Variants in LRP1B observed in about 807,000 individuals in gnomAD.
The protein encoded by LRP1B is low-density lipoprotein receptor-related protein 1B.
A neutral mutation model predicts 556.6 loss-of-function variants in LRP1B; 217 were observed. The ratio of observed to expected loss-of-function variants is 0.39; its 90% CI spans 0.35 to 0.44. The LOEUF (loss-of-function observed/expected upper bound fraction) is 0.44, where lower values mean the gene tolerates loss of function less well. LRP1B is among the 20% of genes least tolerant of loss of function. LRP1B has a pLI of 1.00. For missense variants in LRP1B, 5,053 were observed against 5,620.8 expected, an observed-to-expected ratio of 0.90 and a Z score of 3.23; for synonymous variants, 2,047 against 1,865.8, an observed-to-expected ratio of 1.10 and a Z score of -2.50.
intron 7 of LRP1B, among the ~76,000 whole-genome samples, chr2:141,144,546 C>T (rs1298270117): frequency 6.6e-6 from 1 of 152,164 alleles, no homozygotes; most frequent in Non-Finnish European, 1.5e-5. Flanking sequence ...TCTCTAGTTA[C>T]AGTTAAAAAT....
intron 20 of LRP1B, among the ~76,000 whole-genome samples, chr2:140,938,172 G>A (rs1368712652): frequency 1.3e-5 from 2 of 151,522 alleles, no homozygotes; most frequent in African/African-American, 4.9e-5. Flanking sequence ...TAAAATAACT[G>A]AACTAAATGA....
intron 3 of LRP1B, among the ~76,000 whole-genome samples, chr2:141,372,198 T>A (rs1269337051): frequency 1.3e-5 from 2 of 152,172 alleles, no homozygotes; most frequent in East Asian, 3.9e-4. Context: ...TTAATTTATA[T>A]ATATTGAATC....
rs1327185759 is a variant in LRP1B, at chr2:141,464,602, A to ATTT, written c.343+15793_343+15794insAAA. On this transcript the variant is annotated intron_variant, in intron 3 of 90. Transcript: ENST00000389484. ...TAATTTTGTATATATATATATATAT[A>ATTT]TATATTTTTTTAGTAGAGATGGGGT... Among the ~76,000 whole-genome samples the ATTT allele has an allele frequency of 1.9e-4, 14 of 73,440 alleles. 1 individual carries two copies. The Middle Eastern group carries it at 0.022, about 117-fold the overall frequency. 48.2% of individuals were successfully genotyped at this position (73,440 alleles called of 152,430 possible). A position where few individuals can be genotyped will look rare whatever the true frequency, so the allele number is the denominator to read the frequency against.
intron 41 of LRP1B, among the ~76,000 whole-genome samples, chr2:140,614,955 A>G (rs977285205): frequency 2.6e-5 from 4 of 152,152 alleles, no homozygotes; most frequent in African/African-American, 9.6e-5. Context: ...AGGCCAAGCT[A>G]TCTATGGGAA....
chr2:141,412,235 C>T (rs1394963150), intron 3 of LRP1B, among the ~76,000 whole-genome samples: 2 of 152,166 alleles, frequency 1.3e-5, no homozygotes, highest in Non-Finnish European at 2.9e-5. Flanking sequence ...ACCTCTTCAT[C>T]TGAAAGAACC....
chr2:141,703,126 T>C (rs1235012912), intron 2 of LRP1B, among the ~76,000 whole-genome samples: 2 of 151,960 alleles, frequency 1.3e-5, no homozygotes, highest in Non-Finnish European at 2.9e-5. Flanking sequence ...TACAATCATA[T>C]ATGATTTTCA....
At chr2:140,373,234 C>T (rs1573859487) in intron 68 of LRP1B, 97 bp from the exon 69 acceptor site, 1 of 992,764 alleles carries the variant, frequency 1.0e-6, no homozygotes, top group African/African-American at 1.7e-5. Flanking sequence ...AAACCTGGAA[C>T]TGATCCTGGA....
intron 20 of LRP1B, among the ~76,000 whole-genome samples, chr2:140,934,806 C>T (rs1339449120): frequency 6.6e-6 from 1 of 152,118 alleles, no homozygotes; most frequent in Non-Finnish European, 1.5e-5. Context: ...GAAGTGGCTT[C>T]CAGGGAATTT....
chr2:141,184,745 C>T (rs544354386), intron 7 of LRP1B, among the ~76,000 whole-genome samples: 43 of 151,580 alleles, frequency 2.8e-4, no homozygotes, highest in African/African-American at 7.0e-4. Flanking sequence ...CAAAGTGCAG[C>T]GATGGGTAAG....
intron 7 of LRP1B, among the ~76,000 whole-genome samples, chr2:141,184,020 G>A (rs552368931): frequency 8.4e-4 from 127 of 152,012 alleles, no homozygotes; most frequent in Non-Finnish European, 1.6e-3. Context: ...AGAAAACTGA[G>A]GGCCACAGCT....
intron 1 of LRP1B, among the ~76,000 whole-genome samples, chr2:141,969,946 C>T (rs1041496319): frequency 6.6e-6 from 1 of 151,412 alleles, no homozygotes; most frequent in Admixed American, 6.6e-5. Context: ...CAACACTTAT[C>T]TTTCATCTTT....
At chr2:141,057,081 CT>C (rs1267184443) in intron 9 of LRP1B, among the ~76,000 whole-genome samples, 2 of 151,846 alleles carry the variant, frequency 1.3e-5, no homozygotes, top group African/African-American at 4.8e-5. Flanking sequence ...ACTGCTGGAT[CT>C]TGATCCAATC....
chr2:140,864,513 A>G (rs1692891338), intron 27 of LRP1B, among the ~76,000 whole-genome samples: 1 of 152,076 alleles, frequency 6.6e-6, no homozygotes, highest in African/African-American at 2.4e-5. Flanking sequence ...TAAAAATGAT[A>G]TAAGTGCACA....
chr2:140,677,610 C>T (rs1385267873), intron 41 of LRP1B, among the ~76,000 whole-genome samples: 1 of 152,090 alleles, frequency 6.6e-6, no homozygotes, highest in East Asian at 1.9e-4. Flanking sequence ...CAGTAGCTCA[C>T]ACCTGTAATC....
intron 1 of LRP1B, among the ~76,000 whole-genome samples, chr2:141,884,094 G>A (rs546420500): frequency 1.3e-5 from 2 of 152,272 alleles, no homozygotes; most frequent in East Asian, 3.9e-4. Context: ...TGTATAATGG[G>A]CTGGGTGTGG....
intron 7 of LRP1B, chr2:141,167,271 C>T (rs1255580494): frequency 2.0e-5 from 3 of 151,790 alleles, no homozygotes; most frequent in Non-Finnish European, 2.9e-5. Flanking sequence ...GTATGGGATG[C>T]CTCACAAATA....
At chr2:141,122,552 A>G (rs919868502) in intron 7 of LRP1B, among the ~76,000 whole-genome samples, 5 of 152,150 alleles carry the variant, frequency 3.3e-5, no homozygotes, top group Non-Finnish European at 5.9e-5. Context: ...ACAATGAGAT[A>G]CCATCTCACA....
intron 43 of LRP1B, among the ~76,000 whole-genome samples, chr2:140,572,158 C>A (rs950364632): frequency 6.6e-6 from 1 of 151,432 alleles, no homozygotes; most frequent in Non-Finnish European, 1.5e-5. Context: ...TTATATGAAT[C>A]TAAAAAGCTT....
chr2:141,415,662 C>T (rs1209637873), intron 3 of LRP1B, among the ~76,000 whole-genome samples: 2 of 152,072 alleles, frequency 1.3e-5, no homozygotes, highest in African/African-American at 2.4e-5. Context: ...TTACAAAAAG[C>T]GCCATTTATA....
Sources: gnomAD v4.1 joint callset for allele counts (sites outside exome capture counted in the v4.1 genomes callset) on GRCh38, gnomAD v4.1.1 for gene constraint, MANE v1.5 for transcripts, NCBI Gene and HGNC (gene_info 2026-07-23, HGNC 2026-07-21) for gene names.